CPQ: variants seen among roughly 807,000 people sequenced by gnomAD.
CPQ encodes the protein carboxypeptidase Q.
CPQ carries 37 observed loss-of-function variants against 45.7 expected under a neutral mutation model. The ratio of observed to expected loss-of-function variants is 0.81; its 90% confidence interval spans 0.62 to 1.07. The LOEUF is 1.07. Ranked by LOEUF, CPQ falls within the 50% of genes least tolerant of loss-of-function variation. The pLI is 0.00. For missense variants in CPQ, 537 were observed against 572.9 expected, an observed-to-expected ratio of 0.94 and a Z score of 0.64; for synonymous variants, 186 against 205.8, an observed-to-expected ratio of 0.90 and a Z score of 0.82.
intron 6 of CPQ, among the ~76,000 whole-genome samples, chr8:97,059,769 T>G (rs1325326958): frequency 6.6e-6 from 1 of 152,164 alleles, no homozygotes; most frequent in Non-Finnish European, 1.5e-5. Flanking sequence ...TTTTGAGAAC[T>G]TGTTTTGAGC....
At chr8:96,761,547 T>C (rs552757106) in intron 1 of CPQ, 2 of 152,298 alleles carry the variant, frequency 1.3e-5, no homozygotes, top group Admixed American at 1.3e-4. Flanking sequence ...TTCTTTGTTA[T>C]TCTTCTTACT....
intron 7 of CPQ, among the ~76,000 whole-genome samples, chr8:97,141,952 G>A (rs920070187): frequency 1.3e-5 from 2 of 152,064 alleles, no homozygotes; most frequent in African/African-American, 2.4e-5. Flanking sequence ...ACATATATGT[G>A]GTAAAGTATG....
chr8:96,686,688 A>G (rs898596464), intron 1 of CPQ, among the ~76,000 whole-genome samples: 1 of 151,752 alleles, frequency 6.6e-6, no homozygotes, highest in African/African-American at 2.4e-5. Context: ...TTGTGGATTT[A>G]TATGTTATAA....
At chr8:97,062,091 G>C (rs900154138) in intron 6 of CPQ, among the ~76,000 whole-genome samples, 2 of 152,198 alleles carry the variant, frequency 1.3e-5, no homozygotes, top group African/African-American at 4.8e-5. Context: ...AAACTGTGAA[G>C]TCCCCTGTCC....
intron 5 of CPQ, among the ~76,000 whole-genome samples, chr8:97,025,285 T>C (rs1809778710): frequency 1.3e-5 from 2 of 152,298 alleles, no homozygotes; most frequent in African/African-American, 4.8e-5. Flanking sequence ...CTCAATGAAA[T>C]GAAAATGAAA....
At chr8:97,081,771 C>T (rs1291672429) in intron 7 of CPQ, among the ~76,000 whole-genome samples, 8 of 152,138 alleles carry the variant, frequency 5.3e-5, no homozygotes, top group Non-Finnish European at 8.8e-5. Context: ...TGACATATAA[C>T]TTTGACATTA....
intron 2 of CPQ, among the ~76,000 whole-genome samples, chr8:96,812,275 TG>T (rs1811168998): frequency 6.6e-6 from 1 of 152,198 alleles, no homozygotes; most frequent in African/African-American, 2.4e-5. Flanking sequence ...GCACCTGCAC[TG>T]GGTTATATGC....
chr8:96,736,501 T>G (rs538402714), intron 1 of CPQ, among the ~76,000 whole-genome samples: 2 of 152,330 alleles, frequency 1.3e-5, no homozygotes, highest in South Asian at 2.1e-4. Context: ...ATAGGGTCAC[T>G]TTTATGACAA....
chr8:96,871,793 A>G (rs961115358), intron 3 of CPQ, among the ~76,000 whole-genome samples: 3 of 151,736 alleles, frequency 2.0e-5, no homozygotes, highest in African/African-American at 7.3e-5. Context: ...CTTTCGACCC[A>G]TTTACGTGTC....
intron 7 of CPQ, among the ~76,000 whole-genome samples, chr8:97,103,483 C>CAGAA (rs1258557456): frequency 6.6e-6 from 1 of 152,140 alleles, no homozygotes; most frequent in Admixed American, 6.5e-5. Flanking sequence ...TCTACTTGCT[C>CAGAA]AGAAAGAAAG....
chr8:96,838,547 C>G (rs113536408), intron 3 of CPQ, among the ~76,000 whole-genome samples: 1 of 152,078 alleles, frequency 6.6e-6, no homozygotes, highest in Non-Finnish European at 1.5e-5. Flanking sequence ...GAAATTTGGC[C>G]TATCTTTATG....
chr8:96,927,692 G>A (rs1285673780), intron 4 of CPQ, among the ~76,000 whole-genome samples: 1 of 152,142 alleles, frequency 6.6e-6, no homozygotes, highest in Non-Finnish European at 1.5e-5. Context: ...GGAAGGTAAG[G>A]GGTCTCAGAG....
chr8:96,840,349 G>A (rs1811589925), intron 3 of CPQ, among the ~76,000 whole-genome samples: 1 of 152,150 alleles, frequency 6.6e-6, no homozygotes, highest in Non-Finnish European at 1.5e-5. Context: ...GCAGTTTTAA[G>A]TCTAATGTGG....
At chr8:96,869,267 G>T (rs1031564335) in intron 3 of CPQ, among the ~76,000 whole-genome samples, 1 of 151,992 alleles carries the variant, frequency 6.6e-6, no homozygotes, top group Non-Finnish European at 1.5e-5. Flanking sequence ...GCTGCCAAAT[G>T]CTCTAAAGGC....
rs974217405 is a variant in CPQ, at chr8:96,921,795, A to G, written c.849+41790A>G. On this transcript the variant is annotated intron_variant, in intron 4 of 7. Coordinates refer to ENST00000220763, the MANE Select transcript of CPQ (RefSeq NM_016134.4). The stretch of plus-strand genomic sequence containing the variant: ...TCTAAGAAGTGTGCCTCAAAATAAT[A>G]TAGTAAGCAACCTGATATTACTGGT... Among the ~76,000 whole-genome samples the G allele has an allele frequency of 7.9e-5, 12 of 152,172 alleles. 1 individual carries two copies. The highest frequency in any genetic ancestry group is 2.9e-4 in the African/African-American group (12 of 41,442).
intron 2 of CPQ, among the ~76,000 whole-genome samples, chr8:96,817,663 C>T (rs1325662124): frequency 6.6e-6 from 1 of 151,744 alleles, no homozygotes; most frequent in Non-Finnish European, 1.5e-5. Context: ...ACACAGGCTG[C>T]ACTGCTTTGG....
intron 1 of CPQ, among the ~76,000 whole-genome samples, chr8:96,745,091 C>T (rs554537975): frequency 5.3e-5 from 8 of 152,178 alleles, no homozygotes; most frequent in Non-Finnish European, 1.2e-4. Context: ...GGGTAGATCA[C>T]AAGGTCAGGA....
chr8:97,011,750 A>G (rs746919104), intron 5 of CPQ, among the ~76,000 whole-genome samples: 1 of 152,192 alleles, frequency 6.6e-6, no homozygotes, highest in Non-Finnish European at 1.5e-5. Flanking sequence ...GCTATTATCT[A>G]AAAACATTTA....
chr8:96,769,173 G>C (rs995993330), intron 1 of CPQ, among the ~76,000 whole-genome samples: 1 of 152,164 alleles, frequency 6.6e-6, no homozygotes, highest in Non-Finnish European at 1.5e-5. Flanking sequence ...GAAGACAAAT[G>C]CTTCACTGGT....
Sources: allele counts gnomAD v4.1 joint callset (sites outside exome capture counted in the v4.1 genomes callset), GRCh38; gene constraint gnomAD v4.1.1; transcripts MANE v1.5; gene names NCBI Gene and HGNC (gene_info 2026-07-23, HGNC 2026-07-21).